RCBTB1: variants seen among roughly 807,000 people sequenced by gnomAD.
RCBTB1 encodes RCC1 and BTB domain-containing protein 1.
A neutral mutation model predicts 62.4 loss-of-function variants in RCBTB1; 46 were observed. The observed-to-expected ratio is 0.74, with a 90% CI of 0.58 to 0.94. The LOEUF is 0.94. Ranked by LOEUF, RCBTB1 falls within the 40% of genes least tolerant of loss-of-function variation. The pLI, the probability that RCBTB1 is intolerant of heterozygous loss-of-function variation, is 0.00. For missense variants in RCBTB1, 565 were observed against 654.9 expected, an observed-to-expected ratio of 0.86 and a Z score of 1.50; for synonymous variants, 222 against 245.8, an observed-to-expected ratio of 0.90 and a Z score of 0.91.
At chr13:49,555,353 C>T (rs1412216139) in intron 6 of RCBTB1, among the ~76,000 whole-genome samples, 162 bp downstream of exon 6, 2 of 152,130 alleles carry the variant, frequency 1.3e-5, no homozygotes, top group Non-Finnish European at 2.9e-5. Context: ...TACTGAGGAG[C>T]AAAAAACCTC....
At chr13:49,566,313 G>A (rs1317263962) in intron 4 of RCBTB1, among the ~76,000 whole-genome samples, 1 of 151,490 alleles carries the variant, frequency 6.6e-6, no homozygotes, top group Non-Finnish European at 1.5e-5. Flanking sequence ...TAAAAAAGTT[G>A]CATTGCAACA....
chr13:49,559,797 T>C (rs1468428067), intron 5 of RCBTB1, 121 bp downstream of exon 5: 10 of 836,012 alleles, frequency 1.2e-5, no homozygotes, highest in Non-Finnish European at 1.8e-5. Flanking sequence ...TATGACAAGG[T>C]GAACATACTT....
rs756073261 is a variant in RCBTB1 at position 49,540,870 on chromosome 13, A to T, written c.1455+6T>A. ...TGGTCTGGTTTCTGTTTGTTGTTTA[A>T]GTTACCTCTGCATCATATCTGACTG... On this transcript the variant is annotated splice_donor_region_variant and intron_variant, in intron 12 of 12. Coordinates refer to ENST00000378302, the MANE Select transcript of RCBTB1 (RefSeq NM_018191.4). 59 of 1,611,116 alleles carry T rather than the reference A, an allele frequency of 3.7e-5. No individual in the cohort carries two copies. The highest frequency in any genetic ancestry group is 4.9e-5 in the Non-Finnish European group (58 of 1,179,416).
intron 2 of RCBTB1, among the ~76,000 whole-genome samples, chr13:49,570,874 A>G (rs927448490): frequency 2.0e-5 from 3 of 152,208 alleles, no homozygotes; most frequent in Admixed American, 2.0e-4. Context: ...CAAAGGTGAA[A>G]TGACGCCAAG....
At chr13:49,568,274 G>A (rs1461086065) in intron 2 of RCBTB1, among the ~76,000 whole-genome samples, 2 of 152,064 alleles carry the variant, frequency 1.3e-5, no homozygotes, top group East Asian at 3.9e-4. Context: ...CATCGATTTA[G>A]CAATTTACCT....
At chr13:49,569,391 T>C (rs961995871) in intron 2 of RCBTB1, among the ~76,000 whole-genome samples, 5 of 151,306 alleles carry the variant, frequency 3.3e-5, no homozygotes, top group African/African-American at 1.2e-4. Context: ...CTGGGCAACA[T>C]GGCGAAACCC....
chr13:49,571,310 C>T (rs929707502), intron 2 of RCBTB1, among the ~76,000 whole-genome samples: 10 of 152,060 alleles, frequency 6.6e-5, no homozygotes, highest in African/African-American at 1.9e-4. Flanking sequence ...TGCACCACTG[C>T]ACCCCAGCCT....
intron 9 of RCBTB1, chr13:49,547,069 G>A (rs377081115): frequency 7.9e-7 from 1 of 1,266,184 alleles, no homozygotes. Flanking sequence ...ATACAAATCT[G>A]AAGATGTGTA....
At chr13:49,546,650 C>G (rs1960807534) in intron 9 of RCBTB1, among the ~76,000 whole-genome samples, 1 of 152,216 alleles carries the variant, frequency 6.6e-6, no homozygotes, top group Non-Finnish European at 1.5e-5. Flanking sequence ...GACAGATCAT[C>G]TAGGCATTAG....
At chr13:49,539,571 G>A (rs1222612901) in intron 12 of RCBTB1, 1 of 152,144 alleles carries the variant, frequency 6.6e-6, no homozygotes, top group Non-Finnish European at 1.5e-5. Flanking sequence ...GCGTGGAGAG[G>A]CCCAGAGAGG....
intron 1 of RCBTB1, among the ~76,000 whole-genome samples, chr13:49,584,695 A>G (rs976831118): frequency 2.6e-5 from 4 of 152,252 alleles, no homozygotes; most frequent in African/African-American, 7.2e-5. Context: ...AAGGAAGATC[A>G]TGAATCTGGT....
At chr13:49,576,037 A>C (rs1463496455) in intron 2 of RCBTB1, among the ~76,000 whole-genome samples, 1 of 152,076 alleles carries the variant, frequency 6.6e-6, no homozygotes, top group Non-Finnish European at 1.5e-5. Context: ...ATACGAAAAA[A>C]TTAGCCGGGT....
At chr13:49,534,513 C>T (rs543077281) in intron 12 of RCBTB1, among the ~76,000 whole-genome samples, 13 of 151,548 alleles carry the variant, frequency 8.6e-5, no homozygotes, top group East Asian at 5.8e-4. Flanking sequence ...CACACGCGCG[C>T]GCACACACAC....
At chr13:49,582,401 C>T (rs944918553) in intron 1 of RCBTB1, among the ~76,000 whole-genome samples, 1 of 152,130 alleles carries the variant, frequency 6.6e-6, no homozygotes, top group East Asian at 1.9e-4. Flanking sequence ...GCAGGAGAAT[C>T]GCTTGAACTC....
At chr13:49,562,447 C>T (rs932280438) in intron 4 of RCBTB1, among the ~76,000 whole-genome samples, 1 of 147,526 alleles carries the variant, frequency 6.8e-6, no homozygotes, top group South Asian at 2.1e-4. Flanking sequence ...CACCTGCTCA[C>T]ACAGTGAGGC....
Position 49,533,986 on chromosome 13 carries a change from C to T in RCBTB1, c.*136G>A. On this transcript the variant is annotated 3_prime_UTR_variant, in exon 13 of 13. Coordinates refer to ENST00000378302, the MANE Select transcript of RCBTB1 (RefSeq NM_018191.4). ...CACCCTTGTTATGTTCCTACACAAA[C>T]AACTGTGTCCCAGATGTGGAAAAAA... 2 of 839,568 alleles carry T rather than the reference C, an allele frequency of 2.4e-6. No individual in the cohort carries two copies. The highest frequency in any genetic ancestry group is 3.7e-6 in the Non-Finnish European group (2 of 543,036). 52.0% of individuals were successfully genotyped at this position (839,568 alleles called of 1,614,324 possible).
At chr13:49,552,564 T>C (rs1961471316) in intron 6 of RCBTB1, among the ~76,000 whole-genome samples, 1 of 152,144 alleles carries the variant, frequency 6.6e-6, no homozygotes, top group Non-Finnish European at 1.5e-5. Context: ...AATTATTAAG[T>C]ACCTACTGTA....
intron 2 of RCBTB1, among the ~76,000 whole-genome samples, chr13:49,571,304 C>T (rs1310207821): frequency 6.6e-6 from 1 of 152,072 alleles, no homozygotes; most frequent in African/African-American, 2.4e-5. Context: ...CGAGATTGCA[C>T]CACTGCACCC....
chr13:49,564,459 G>A (rs1171922459), intron 4 of RCBTB1, among the ~76,000 whole-genome samples: 6 of 151,476 alleles, frequency 4.0e-5, no homozygotes, highest in African/African-American at 1.2e-4. Flanking sequence ...GGTGGCACGC[G>A]TCTGTGGTCT....
Sources: gnomAD v4.1 joint callset for allele counts (sites outside exome capture counted in the v4.1 genomes callset) on GRCh38, gnomAD v4.1.1 for gene constraint, MANE v1.5 for transcripts, NCBI Gene and HGNC (gene_info 2026-07-23, HGNC 2026-07-21) for gene names.